The following MRTFA variants were observed in gnomAD, a reference collection of about 807,000 sequenced individuals.
The protein encoded by MRTFA is myocardin related transcription factor A, also known as myocardin-related transcription factor A.
A neutral mutation model predicts 83.5 loss-of-function variants in MRTFA; 20 were observed. The ratio of observed to expected loss-of-function variants is 0.24; its 90% CI spans 0.17 to 0.35. MRTFA has a LOEUF of 0.35. MRTFA is among the 10% of genes least tolerant of loss of function. The probability of loss-of-function intolerance (pLI) is 1.00; values close to 1 mark genes in which losing one functional copy is unlikely to be tolerated. For missense variants in MRTFA, 1,200 were observed against 1,224.7 expected (o/e 0.98, Z 0.30); for synonymous variants, 659 against 541.2 (o/e 1.22, Z -3.02).
chr22:40,470,633 A>C (rs2053892882), intron 3 of MRTFA, among the ~76,000 whole-genome samples: 1 of 152,044 alleles, frequency 6.6e-6, no homozygotes, highest in African/African-American at 2.4e-5. Flanking sequence ...AGGAAATTAA[A>C]GTGGTAAGCA....
At chr22:40,470,842 G>A (rs541121079) in intron 3 of MRTFA, among the ~76,000 whole-genome samples, 34 of 151,910 alleles carry the variant, frequency 2.2e-4, no homozygotes, top group Middle Eastern at 3.4e-3. Context: ...CCAGCTACTC[G>A]GGAGGCTGAG....
intron 1 of MRTFA, among the ~76,000 whole-genome samples, chr22:40,603,135 T>C (rs1295227240): frequency 6.6e-6 from 1 of 152,230 alleles, no homozygotes; most frequent in Non-Finnish European, 1.5e-5. Flanking sequence ...GCCATGTGAC[T>C]TTCCCTCTGG....
In MRTFA at chr22:40,419,324, C is replaced by T; in HGVS notation, c.1414G>A (p.Glu472Lys). 1 of 1,613,990 alleles carries T rather than the reference C, an allele frequency of 6.2e-7. No homozygotes were observed. Among genetic ancestry groups the T allele is most frequent in the Non-Finnish European group, 8.5e-7 (1 of 1,180,008 alleles). Residue 472 changes from glutamate to lysine, a missense_variant, in exon 12 of 15, where the codon GAG (glutamate) becomes AAG (lysine). This residue lies in a region of MRTFA where 1,107 missense variants were observed against 1,041.8 expected (regional missense o/e 1.06). Coordinates refer to ENST00000355630, the MANE Select transcript of MRTFA (RefSeq NM_020831.6). The stretch of plus-strand genomic sequence containing the variant: ...TAGGCTCGAAGGCGCTCAATCAGCT[C>T]AGTTTTGGTGCCCGAGACAGGCAGT...
At chr22:40,568,424 G>A (rs1179694602) in intron 2 of MRTFA, among the ~76,000 whole-genome samples, 1 of 152,138 alleles carries the variant, frequency 6.6e-6, no homozygotes, top group African/African-American at 2.4e-5. Flanking sequence ...AGAACCTCTG[G>A]AAATACAACG....
At chr22:40,417,718 G>C (rs1278285140) in intron 12 of MRTFA, 5 of 547,118 alleles carry the variant, frequency 9.1e-6, no homozygotes, top group African/African-American at 1.9e-5. Flanking sequence ...TTGAGGTTTG[G>C]GAGAGGTCTC....
intron 4 of MRTFA, among the ~76,000 whole-genome samples, chr22:40,447,279 G>A (rs1253552074): frequency 6.6e-6 from 1 of 151,976 alleles, no homozygotes; most frequent in African/African-American, 2.4e-5. Context: ...TTTGAGGCCA[G>A]GAGGTTGAGG....
At chr22:40,518,176 T>TAGCA (rs1569307731) in intron 3 of MRTFA, among the ~76,000 whole-genome samples, 1 of 152,188 alleles carries the variant, frequency 6.6e-6, no homozygotes, top group East Asian at 1.9e-4. Flanking sequence ...TGAGTCGTTC[T>TAGCA]AGCAAATGAT....
intron 3 of MRTFA, among the ~76,000 whole-genome samples, chr22:40,539,925 T>TCC (rs1244224303): frequency 7.3e-4 from 107 of 147,514 alleles, no homozygotes; most frequent in Non-Finnish European, 7.6e-5. Flanking sequence ...TTTTTTTTTT[T>TCC]CCCAGACAGG....
At chr22:40,581,841 G>C (rs1203723422) in intron 2 of MRTFA, among the ~76,000 whole-genome samples, 1 of 152,058 alleles carries the variant, frequency 6.6e-6, no homozygotes, top group Non-Finnish European at 1.5e-5. Context: ...ATTTCATATA[G>C]CTCTACTCAG....
At chr22:40,586,732 G>A (rs1013484096) in intron 2 of MRTFA, 2 of 281,428 alleles carry the variant, frequency 7.1e-6, no homozygotes, top group African/African-American at 2.3e-5. Context: ...TCTGTGGTAG[G>A]TTTTTTTTTC....
rs150214160 is a variant in MRTFA at position 40,544,163 on chromosome 22, AAC to A, written c.241+7941_241+7942del. Among the ~76,000 whole-genome samples the A allele has an allele frequency of 9.3e-3, 1,411 of 152,356 alleles. 25 individuals are homozygous for A. The highest frequency in any genetic ancestry group is 0.033 in the African/African-American group (1,359 of 41,580). ...TCCCATATGAAAAATTATTTCCAGA[AAC>A]ACAAGACACAAAACTCATAAACTAT... On this transcript the variant is annotated intron_variant, in intron 3 of 14. Coordinates refer to ENST00000355630, the MANE Select transcript of MRTFA (RefSeq NM_020831.6).
chr22:40,539,925 T>TTTCC (rs1556000652), intron 3 of MRTFA, among the ~76,000 whole-genome samples: 1 of 147,422 alleles, frequency 6.8e-6, no homozygotes. Flanking sequence ...TTTTTTTTTT[T>TTTCC]CCCAGACAGG....
At chr22:40,627,578 T>C (rs1383604685) in intron 1 of MRTFA, among the ~76,000 whole-genome samples, 1 of 152,216 alleles carries the variant, frequency 6.6e-6, no homozygotes, top group African/African-American at 2.4e-5. Context: ...ATAACTGACA[T>C]TTTCGCTAAC....
At chr22:40,420,734 C>A (rs2052816505) in intron 10 of MRTFA, 113 bp downstream of exon 10, 2 of 1,553,594 alleles carry the variant, frequency 1.3e-6, no homozygotes, top group Non-Finnish European at 1.7e-6. Flanking sequence ...TCTGTAGCAT[C>A]CAGACCAGCG....
At chr22:40,617,890 A>G (rs1000103967) in intron 1 of MRTFA, among the ~76,000 whole-genome samples, 2 of 152,192 alleles carry the variant, frequency 1.3e-5, no homozygotes, top group Non-Finnish European at 2.9e-5. Context: ...CACCTACTAC[A>G]TGCCAAGTAC....
At chr22:40,603,242 A>C (rs2056280433) in intron 1 of MRTFA, among the ~76,000 whole-genome samples, 1 of 152,114 alleles carries the variant, frequency 6.6e-6, no homozygotes, top group Admixed American at 6.5e-5. Context: ...GCTAATTATG[A>C]CTCTCAGGAA....
chr22:40,622,208 G>A (rs948193521), intron 1 of MRTFA, among the ~76,000 whole-genome samples: 1 of 152,124 alleles, frequency 6.6e-6, no homozygotes, highest in Non-Finnish European at 1.5e-5. Flanking sequence ...GGGGCCGGGC[G>A]CGGTGGCTCA....
At chr22:40,515,446 C>T (rs563903524) in intron 3 of MRTFA, among the ~76,000 whole-genome samples, 3 of 151,910 alleles carry the variant, frequency 2.0e-5, no homozygotes, top group Non-Finnish European at 4.4e-5. Flanking sequence ...GTAATCCCAG[C>T]GCTTTGGGAG....
intron 2 of MRTFA, among the ~76,000 whole-genome samples, chr22:40,579,614 C>T (rs572752956): frequency 9.2e-5 from 14 of 152,212 alleles, no homozygotes; most frequent in African/African-American, 2.6e-4. Flanking sequence ...AATCCCAACA[C>T]TTTAGGAGGC....
Sources: allele counts gnomAD v4.1 joint callset (sites outside exome capture counted in the v4.1 genomes callset), GRCh38; gene constraint gnomAD v4.1.1; regional missense constraint gnomAD v4.1.1; transcripts MANE v1.5; gene names NCBI Gene and HGNC (gene_info 2026-07-23, HGNC 2026-07-21).